Variants in ZDHHC11B observed in about 807,000 individuals in gnomAD.
ZDHHC11B encodes the protein probable palmitoyltransferase ZDHHC11B.
In ZDHHC11B, 17 loss-of-function variants were observed where a neutral mutation model predicts 42.3. The ratio of observed to expected loss-of-function variants is 0.40; its 90% CI spans 0.27 to 0.60. The LOEUF (loss-of-function observed/expected upper bound fraction) is 0.60, where lower values mean the gene tolerates loss of function less well. ZDHHC11B is among the 20% of genes least tolerant of loss of function. The pLI is 0.41. For synonymous variants in ZDHHC11B, 123 were observed against 193.5 expected (o/e 0.64, Z 3.02); for missense variants, 262 against 463.2 (o/e 0.57, Z 3.99).
intron 13 of ZDHHC11B, among the ~76,000 whole-genome samples, chr5:715,000 A>G (rs1741644589): frequency 6.6e-6 from 1 of 150,674 alleles, no homozygotes; most frequent in Admixed American, 6.6e-5. Context: ...ATCTCTGCAC[A>G]TGTCAGCTCC....
At position 779,995 on chromosome 5, in the gene ZDHHC11B, C is replaced by T. The variant is rs1181288415; in HGVS notation, c.-230+4673G>A. Among the ~76,000 whole-genome samples the T allele has an allele frequency of 4.1e-5, 6 of 146,678 alleles. No homozygotes were observed. In the East Asian group the frequency reaches 1.2e-3, roughly 30 times the overall value. ...CTCGGGGACGAGGGTATCCAAGTGC[C>T]CAGTGCTCGGTGGGAAGCACTCAGC... On this transcript the variant is annotated intron_variant, in intron 1 of 13. Transcript: ENST00000508859.
Position 745,306 on chromosome 5 carries a change from G to A in ZDHHC11B, c.785-8C>T, listed in dbSNP as rs756713141. The A allele has an allele frequency of 5.6e-6, 9 of 1,597,140 alleles. No individual in the cohort carries two copies. Among genetic ancestry groups the A allele is most frequent in the Non-Finnish European group, 6.8e-6 (8 of 1,168,696 alleles). On this transcript the variant is annotated splice_region_variant and splice_polypyrimidine_tract_variant and intron_variant, in intron 8 of 13. Coordinates refer to ENST00000508859, the MANE Select transcript of ZDHHC11B (RefSeq NM_001351303.2). ...TGGTCATCTTCTTGGCCTCTGGAAA[G>A]GGAAAAGGAGGAACAGGACAAGTTA...
In ZDHHC11B at chr5:784,724, A is replaced by C. The variant is rs1217871164; in HGVS notation, c.-286T>G. Among the ~76,000 whole-genome samples, 5 of 145,902 alleles carry C rather than the reference A, an allele frequency of 3.4e-5. No homozygotes were observed. Among genetic ancestry groups the C allele is most frequent in the South Asian group, 2.2e-4 (1 of 4,590 alleles). ...CCCCGCGACCCGGCCGCGCGCGACC[A>C]AGTGCTCAGCGCAGCGCTCCCCCTG... On this transcript the variant is annotated 5_prime_UTR_variant, in exon 1 of 14. Coordinates refer to ENST00000508859, the MANE Select transcript of ZDHHC11B (RefSeq NM_001351303.2).
At chr5:732,682 G>A in intron 11 of ZDHHC11B, 1 of 447,660 alleles carries the variant, frequency 2.2e-6, no homozygotes. Context: ...CACAGGGAAG[G>A]ACAAGTCACC....
intron 12 of ZDHHC11B, among the ~76,000 whole-genome samples, chr5:729,080 G>A (rs1337509828): frequency 2.6e-5 from 4 of 151,178 alleles, no homozygotes; most frequent in Non-Finnish European, 4.4e-5. Flanking sequence ...CCAGCTGGGT[G>A]CACTCATCTG....
chr5:751,503 A>ACGGG (rs1745731499), intron 6 of ZDHHC11B, among the ~76,000 whole-genome samples: 1 of 20,362 alleles, frequency 4.9e-5, no homozygotes, highest in Admixed American at 7.9e-4. Flanking sequence ...TGGGGGGTGC[A>ACGGG]GAGGCAGGGG....
At chr5:765,526 GA>G in intron 4 of ZDHHC11B, among the ~76,000 whole-genome samples, 1 of 152,022 alleles carries the variant, frequency 6.6e-6, no homozygotes, top group African/African-American at 2.4e-5. Flanking sequence ...TCTGTAAAAT[GA>G]ACCAATCAGC....
At chr5:771,526 G>A (rs755637461) in intron 1 of ZDHHC11B, among the ~76,000 whole-genome samples, 14 of 150,478 alleles carry the variant, frequency 9.3e-5, no homozygotes, top group African/African-American at 2.4e-4. Context: ...TGGAAGGGCC[G>A]TCTGGGGGCA....
In ZDHHC11B at chr5:759,294, G is replaced by A. The variant is rs1480281454; in HGVS notation, c.223-3150C>T. 1.4e-4 allele frequency among the ~76,000 whole-genome samples: 22 copies of A among 151,990 alleles called. No homozygotes were observed. The East Asian group carries it at 2.7e-3, about 19-fold the overall frequency. On this transcript the variant is annotated intron_variant, in intron 4 of 13. Transcript: ENST00000508859. ...TGTTAACACTGCTAACCTTTCCCCC[G>A]CCCTGTTCTGCAGGCAGGAAAAGAG...
chr5:772,457 C>T (rs1378560284), intron 1 of ZDHHC11B, among the ~76,000 whole-genome samples: 1 of 151,962 alleles, frequency 6.6e-6, no homozygotes, highest in African/African-American at 2.4e-5. Flanking sequence ...GACTTGGATA[C>T]CCACGTCCAC....
chr5:763,806 TAA>T (rs1162746350), intron 4 of ZDHHC11B, among the ~76,000 whole-genome samples: 3 of 151,898 alleles, frequency 2.0e-5, no homozygotes, highest in Admixed American at 1.3e-4. Context: ...GTTATAAAAA[TAA>T]AAGTTTGTTA....
At chr5:784,558 CG>C (rs543527506) in intron 1 of ZDHHC11B, among the ~76,000 whole-genome samples, 109 bp downstream of exon 1, 16 of 152,174 alleles carry the variant, frequency 1.1e-4, no homozygotes, top group African/African-American at 3.9e-4. Context: ...CGGGGGAGCG[CG>C]GGGGGCAGGG....
intron 7 of ZDHHC11B, among the ~76,000 whole-genome samples, chr5:749,514 T>A (rs1439867134): frequency 7.7e-6 from 1 of 130,014 alleles, no homozygotes; most frequent in Non-Finnish European, 1.7e-5. Flanking sequence ...TGGGCCGGGC[T>A]GGACCCCATG....
intron 1 of ZDHHC11B, among the ~76,000 whole-genome samples, chr5:783,485 AGGGGTGGCC>A (rs1217040657): frequency 7.9e-5 from 11 of 138,962 alleles, no homozygotes; most frequent in African/African-American, 2.5e-4. Context: ...TCAGGCGGGG[AGGGGTGGCC>A]GGGGTGGGCG....
intron 4 of ZDHHC11B, among the ~76,000 whole-genome samples, chr5:765,602 C>T (rs1168153281): frequency 6.6e-5 from 10 of 151,910 alleles, no homozygotes; most frequent in Admixed American, 1.3e-4. Flanking sequence ...CAGCAAACTG[C>T]TTGGGTTCTC....
intron 6 of ZDHHC11B, among the ~76,000 whole-genome samples, chr5:754,282 G>A (rs68039440): frequency 0.39 from 6,837 of 17,698 alleles, 1,369 homozygotes; most frequent in Middle Eastern, 0.52. Context: ...AGCCTCCACC[G>A]TGCTCAGGGG....
rs1425237012 is a variant in ZDHHC11B at position 761,966 on chromosome 5, G to C, written c.222+4732C>G. ...GCCCTGGGCAGCCACTCACAGTCCTGGCTGGCCACTCACAGCCATGATGGC... is the reference window on the plus strand; with the variant it reads ...GCCCTGGGCAGCCACTCACAGTCCTCGCTGGCCACTCACAGCCATGATGGC... On this transcript the variant is annotated intron_variant, in intron 4 of 13. Transcript: ENST00000508859. 2.8e-5 allele frequency among the ~76,000 whole-genome samples: 4 copies of C among 140,974 alleles called. No individual in the cohort carries two copies. The Admixed American group carries it at 2.8e-4, about 10-fold the overall frequency. 92.5% of individuals were successfully genotyped at this position (140,974 alleles called of 152,430 possible).
intron 1 of ZDHHC11B, among the ~76,000 whole-genome samples, chr5:776,377 G>A (rs879245673): frequency 5.3e-5 from 8 of 151,970 alleles, no homozygotes; most frequent in African/African-American, 9.7e-5. Context: ...GCTGACTGAG[G>A]GAGTGGAGGG....
At chr5:767,304 A>G in intron 3 of ZDHHC11B, 88 bp downstream of exon 3, 2 of 1,431,814 alleles carry the variant, frequency 1.4e-6, no homozygotes, top group Middle Eastern at 1.8e-4. Context: ...CCCTCTCCCC[A>G]CCCACACACA....
Sources: gnomAD v4.1 joint callset for allele counts (sites outside exome capture counted in the v4.1 genomes callset) on GRCh38, gnomAD v4.1.1 for gene constraint, MANE v1.5 for transcripts, NCBI Gene and HGNC (gene_info 2026-07-23, HGNC 2026-07-21) for gene names.